Variants in AGAP1 observed in about 807,000 individuals in gnomAD.
AGAP1 encodes the protein ArfGAP with GTPase domain, ankyrin repeat and PH domain 1.
In AGAP1, 29 loss-of-function variants were observed where a neutral mutation model predicts 105.3. The observed-to-expected ratio is 0.28, with a 90% CI of 0.21 to 0.38. AGAP1 has a LOEUF of 0.38. Ranked by LOEUF, AGAP1 falls within the 10% of genes least tolerant of loss-of-function variation. The pLI is 1.00. For synonymous variants in AGAP1, 509 were observed against 485.9 expected (o/e 1.05, Z -0.63); for missense variants, 998 against 1,165.1 (o/e 0.86, Z 2.09).
chr2:235,709,726 A>G (rs1353509777), intron 2 of AGAP1, among the ~76,000 whole-genome samples: 1 of 152,162 alleles, frequency 6.6e-6, no homozygotes, highest in Non-Finnish European at 1.5e-5. Flanking sequence ...ATTGGCATGA[A>G]ATTAAAATTT....
intron 2 of AGAP1, among the ~76,000 whole-genome samples, chr2:235,715,720 C>T (rs1951068081): frequency 6.6e-6 from 1 of 152,192 alleles, no homozygotes; most frequent in Non-Finnish European, 1.5e-5. Flanking sequence ...AAAGCAGGTG[C>T]TTGCAGGCAG....
intron 8 of AGAP1, among the ~76,000 whole-genome samples, chr2:235,804,876 G>T (rs1340838826): frequency 6.6e-6 from 1 of 152,216 alleles, no homozygotes; most frequent in South Asian, 2.1e-4. Flanking sequence ...GACGCCGTGG[G>T]TGCTGAGGGC....
rs1288222059 is a variant in AGAP1 at position 235,628,730 on chromosome 2, T to C, written c.164-80449T>C. On this transcript the variant is annotated intron_variant, in intron 1 of 17. Coordinates refer to ENST00000304032, the MANE Select transcript of AGAP1 (RefSeq NM_001037131.3). ...TCTGGTGCACCCATCACCCAAGCAG[T>C]GTACACTGCACCCTATTTGTAGTCT... Among the ~76,000 whole-genome samples the C allele has an allele frequency of 2.0e-5, 3 of 152,106 alleles. No individual in the cohort carries two copies. In the East Asian group the frequency reaches 5.8e-4, roughly 29 times the overall value.
At chr2:235,795,467 C>T (rs1316578260) in intron 6 of AGAP1, among the ~76,000 whole-genome samples, 1 of 152,130 alleles carries the variant, frequency 6.6e-6, no homozygotes, top group Non-Finnish European at 1.5e-5. Flanking sequence ...CTCATGCTCC[C>T]GCTCCTCCTC....
At chr2:235,933,336 T>C (rs558944049) in intron 12 of AGAP1, among the ~76,000 whole-genome samples, 5 of 151,854 alleles carry the variant, frequency 3.3e-5, no homozygotes, top group South Asian at 4.2e-4. Context: ...TGAAAGGTGA[T>C]AGTTGGGGTG....
At chr2:236,108,215 G>A (rs2059550353) in intron 16 of AGAP1, among the ~76,000 whole-genome samples, 1 of 152,228 alleles carries the variant, frequency 6.6e-6, no homozygotes, top group Non-Finnish European at 1.5e-5. Flanking sequence ...GCTCGCAGTG[G>A]GCCGGGGTCT....
At position 236,083,763 on chromosome 2, in the gene AGAP1, G is replaced by T. The variant is rs894620229; in HGVS notation, c.2114+34482G>T. Among the ~76,000 whole-genome samples, 2 of 152,054 alleles carry T rather than the reference G, an allele frequency of 1.3e-5. No individual in the cohort carries two copies. The highest frequency in any genetic ancestry group is 4.8e-5 in the African/African-American group (2 of 41,374). On this transcript the variant is annotated intron_variant, in intron 16 of 17. Coordinates refer to ENST00000304032, the MANE Select transcript of AGAP1 (RefSeq NM_001037131.3). This position sits in a 1 kb window ranked among gnomAD's most constrained non-coding sequence, Gnocchi z 5.3. ...CTGTTTTTTTACAGAAGGATAAATG[G>T]ATGAACAGGTGTTTTAGGAGCCACA...
chr2:235,884,752 C>T (rs935642551), intron 10 of AGAP1, among the ~76,000 whole-genome samples: 4 of 152,114 alleles, frequency 2.6e-5, no homozygotes, highest in African/African-American at 9.7e-5. Context: ...CCGCGCCTGG[C>T]CTTCTTTTGA....
At position 236,090,460 on chromosome 2, in the gene AGAP1, A is replaced by G. The variant is rs1044027641; in HGVS notation, c.2115-29732A>G. 6.6e-5 allele frequency among the ~76,000 whole-genome samples: 10 copies of G among 152,198 alleles called. No individual in the cohort carries two copies. Among genetic ancestry groups the G allele is most frequent in the African/African-American group, 2.4e-4 (10 of 41,434 alleles). On this transcript the variant is annotated intron_variant, in intron 16 of 17. Transcript: ENST00000304032. The surrounding 1 kb of genome is among the most constrained non-coding windows in gnomAD (Gnocchi z 4.3). Reference sequence around the variant, plus strand: ...CAGATTAGAGGCATTTTATCTTTTTAAATAATTTCCAAATGTGCCCCAAAG... The same window carrying G: ...CAGATTAGAGGCATTTTATCTTTTTGAATAATTTCCAAATGTGCCCCAAAG...
At chr2:235,494,945 G>T in intron 1 of AGAP1, 96 bp downstream of exon 1, 1 of 1,259,246 alleles carries the variant, frequency 7.9e-7, no homozygotes, top group Non-Finnish European at 1.0e-6. Context: ...CACACACGCC[G>T]GCCGGGGCAC....
chr2:235,774,205 T>G, intron 6 of AGAP1: 1 of 392,240 alleles, frequency 2.5e-6, no homozygotes, highest in Non-Finnish European at 5.1e-6. Context: ...CTGTAAAGTA[T>G]GGCACATCTA....
intron 11 of AGAP1, among the ~76,000 whole-genome samples, chr2:235,916,679 C>G (rs1046997006): frequency 1.3e-5 from 2 of 152,188 alleles, no homozygotes; most frequent in Non-Finnish European, 2.9e-5. Flanking sequence ...GAGAAGAACA[C>G]ACGGCATTCC....
intron 1 of AGAP1, chr2:235,670,689 C>T: frequency 1.4e-6 from 1 of 708,826 alleles, no homozygotes; most frequent in South Asian, 1.5e-5. Flanking sequence ...ACCCTGGAGC[C>T]CGCGACCGCC....
At chr2:235,861,080 T>C (rs2048910120) in intron 9 of AGAP1, among the ~76,000 whole-genome samples, 1 of 152,224 alleles carries the variant, frequency 6.6e-6, no homozygotes, top group African/African-American at 2.4e-5. Context: ...AATGCAATAC[T>C]TTATATATAG....
chr2:235,880,751 A>AC (rs2049980054), intron 9 of AGAP1, among the ~76,000 whole-genome samples: 1 of 152,056 alleles, frequency 6.6e-6, no homozygotes, highest in African/African-American at 2.4e-5. Flanking sequence ...AAAAAAAAAA[A>AC]AACAAAAAAA....
chr2:235,685,333 G>A (rs1949323464), intron 1 of AGAP1, among the ~76,000 whole-genome samples: 2 of 151,796 alleles, frequency 1.3e-5, no homozygotes, highest in South Asian at 4.2e-4. Flanking sequence ...GGGGCTCTCA[G>A]GGCTCAGTTC....
intron 12 of AGAP1, among the ~76,000 whole-genome samples, chr2:235,938,861 G>A (rs1335738325): frequency 6.6e-6 from 1 of 152,104 alleles, no homozygotes; most frequent in Admixed American, 6.6e-5. Context: ...GGAAGGCGTC[G>A]TCCAATGGCT....
In AGAP1 at chr2:235,887,557, C is replaced by T. The variant is rs1391408369; in HGVS notation, c.1155+4108C>T. Among the ~76,000 whole-genome samples, 1 of 152,190 alleles carries T rather than the reference C, an allele frequency of 6.6e-6. No individual in the cohort carries two copies. The highest frequency in any genetic ancestry group is 6.5e-5 in the Admixed American group (1 of 15,286). ...AGAACACTATTCTCATCCACCTTTT[C>T]TCTCAAAGGCAGATGGGGCCCAGGT... On this transcript the variant is annotated intron_variant, in intron 10 of 17. Transcript: ENST00000304032. The surrounding 1 kb of genome is among the most constrained non-coding windows in gnomAD (Gnocchi z 4.1).
chr2:235,714,867 G>A lies in AGAP1; in HGVS notation c.223-2690G>A, dbSNP rs751152402. Among the ~76,000 whole-genome samples the A allele has an allele frequency of 1.2e-4, 18 of 151,946 alleles. No homozygotes were observed. Among genetic ancestry groups the A allele is most frequent in the Non-Finnish European group, 1.6e-4 (11 of 67,968 alleles). ...AGGCTGGAGTCCAGTGGTGTATCTC[G>A]GCTCACTGCAACCTCCGCCTCCTGG... On this transcript the variant is annotated intron_variant, in intron 2 of 17. Coordinates refer to ENST00000304032, the MANE Select transcript of AGAP1 (RefSeq NM_001037131.3). This position sits in a 1 kb window ranked among gnomAD's most constrained non-coding sequence, Gnocchi z 4.1.
Sources: gnomAD v4.1 joint callset for allele counts (sites outside exome capture counted in the v4.1 genomes callset) on GRCh38, gnomAD v4.1.1 for gene constraint, Gnocchi (gnomAD v3.1) non-coding constraint, MANE v1.5 for transcripts, NCBI Gene and HGNC (gene_info 2026-07-23, HGNC 2026-07-21) for gene names.